The following ATRNL1 variants were observed in gnomAD, a reference collection of about 807,000 sequenced individuals.
The protein encoded by ATRNL1 is attractin like 1, also known as attractin-like protein 1.
A neutral mutation model predicts 182.7 loss-of-function variants in ATRNL1; 95 were observed. The observed-to-expected ratio is 0.52, with a 90% confidence interval of 0.44 to 0.62. The LOEUF (loss-of-function observed/expected upper bound fraction) is 0.62. Among genes scored for constraint, ATRNL1 ranks in the 20% least tolerant of loss-of-function variants. The pLI, the probability that ATRNL1 is intolerant of heterozygous loss-of-function variation, is 0.00. For synonymous variants in ATRNL1, 576 were observed against 568.3 expected, an observed-to-expected ratio of 1.01 and a Z score of -0.19; for missense variants, 1,471 against 1,679.5, an observed-to-expected ratio of 0.88 and a Z score of 2.17.
intron 10 of ATRNL1, among the ~76,000 whole-genome samples, chr10:115,255,891 A>G (rs1306992878): frequency 6.6e-6 from 1 of 152,198 alleles, no homozygotes; most frequent in African/African-American, 2.4e-5. Flanking sequence ...ATCTACTGAG[A>G]TAATCATATG....
chr10:115,887,077 T>G (rs1399651536), intron 28 of ATRNL1, among the ~76,000 whole-genome samples: 1 of 152,192 alleles, frequency 6.6e-6, no homozygotes, highest in Non-Finnish European at 1.5e-5. Context: ...GTGAACATGT[T>G]AAAAATGCAT....
At position 115,150,786 on chromosome 10, in the gene ATRNL1, T is replaced by C. The variant is rs539034967; in HGVS notation, c.830-9254T>C. Among the ~76,000 whole-genome samples, 20 of 152,282 alleles carry C rather than the reference T, an allele frequency of 1.3e-4. 1 individual carries two copies. The highest frequency in any genetic ancestry group is 1.2e-3 in the South Asian group (6 of 4,820). ...ATGTGTACAACTTGCAGGTTTGTTA[T>C]ATATGTATACATGTGCCATGTTGGT... On this transcript the variant is annotated intron_variant, in intron 5 of 28. Transcript: ENST00000355044.
intron 17 of ATRNL1, among the ~76,000 whole-genome samples, chr10:115,307,616 G>A (rs1385315411): frequency 6.6e-6 from 1 of 152,104 alleles, no homozygotes; most frequent in Non-Finnish European, 1.5e-5. Context: ...GAAGGGCATT[G>A]AACATTGCCT....
chr10:115,200,226 GTTTTT>G (rs1172746272), intron 8 of ATRNL1, among the ~76,000 whole-genome samples: 1 of 143,408 alleles, frequency 7.0e-6, no homozygotes, highest in Non-Finnish European at 1.5e-5. Context: ...TACTTGTTTA[GTTTTT>G]TTTTTTTAAT....
chr10:115,604,653 C>T (rs958101731), intron 26 of ATRNL1, among the ~76,000 whole-genome samples: 6 of 152,086 alleles, frequency 3.9e-5, no homozygotes, highest in Non-Finnish European at 5.9e-5. Context: ...TTTAGGATAC[C>T]CTTCCTACAT....
rs1296582280 is a variant in ATRNL1, at chr10:115,584,007, G to A, written c.3795+34471G>A. Among the ~76,000 whole-genome samples, 5 of 152,086 alleles carry A rather than the reference G, an allele frequency of 3.3e-5. 1 individual carries two copies. Among genetic ancestry groups the A allele is most frequent in the East Asian group, 3.9e-4 (2 of 5,176 alleles). On this transcript the variant is annotated intron_variant, in intron 26 of 28. Coordinates refer to ENST00000355044, the MANE Select transcript of ATRNL1 (RefSeq NM_207303.4). ...GGCCTTTGCTGCTTCTATTGAGATA[G>A]TCATGTGGTTTTTGTCTTTGGTTCT... is the stretch of plus-strand genomic sequence containing the variant.
chr10:115,696,043 C>T lies in ATRNL1; in HGVS notation c.3796-31205C>T, dbSNP rs544986698. ...CCTCCTGAGTAGCTGGGACTACAGG[C>T]GCCTGCTACCACACCCGGCTAATTT... On this transcript the variant is annotated intron_variant, in intron 26 of 28. Coordinates refer to ENST00000355044, the MANE Select transcript of ATRNL1 (RefSeq NM_207303.4). 7.2e-5 allele frequency among the ~76,000 whole-genome samples: 11 copies of T among 152,118 alleles called. No homozygotes were observed. The South Asian group carries it at 1.5e-3, about 20-fold the overall frequency.
chr10:115,911,612 C>T (rs1952681508), intron 28 of ATRNL1, among the ~76,000 whole-genome samples: 2 of 152,166 alleles, frequency 1.3e-5, no homozygotes. Context: ...CCGTGCCTGG[C>T]TAAAACCCAT....
At chr10:115,574,031 TAAA>T (rs1854561382) in intron 26 of ATRNL1, among the ~76,000 whole-genome samples, 1 of 152,124 alleles carries the variant, frequency 6.6e-6, no homozygotes, top group Non-Finnish European at 1.5e-5. Context: ...GTAAACCACT[TAAA>T]GCAGAAAATT....
At chr10:115,922,445 G>T (rs190058421) in intron 28 of ATRNL1, among the ~76,000 whole-genome samples, 16 of 151,924 alleles carry the variant, frequency 1.1e-4, no homozygotes, top group East Asian at 7.7e-4. Context: ...TATCTATCTA[G>T]CTAGCTATTT....
chr10:115,832,234 A>G (rs1555093969), intron 27 of ATRNL1, among the ~76,000 whole-genome samples: 1 of 152,188 alleles, frequency 6.6e-6, no homozygotes, highest in African/African-American at 2.4e-5. Flanking sequence ...AAGGTAAAAT[A>G]GGGAGGAATC....
In ATRNL1 at chr10:115,460,414, A is replaced by T. The variant is rs550327154; in HGVS notation, c.3323-1527A>T. On this transcript the variant is annotated intron_variant, in intron 21 of 28. Transcript: ENST00000355044. The stretch of plus-strand genomic sequence containing the variant: ...TTTTGCTTGGTCTTAGGAAAAAATT[A>T]AAAAAAAAAATAAAACTTTGCCTTT... 2.7e-4 allele frequency among the ~76,000 whole-genome samples: 40 copies of T among 146,700 alleles called. No individual in the cohort carries two copies. The South Asian group carries it at 3.6e-3, about 13-fold the overall frequency.
At chr10:115,845,580 G>A (rs1396797889) in intron 27 of ATRNL1, among the ~76,000 whole-genome samples, 2 of 152,010 alleles carry the variant, frequency 1.3e-5, no homozygotes, top group African/African-American at 4.8e-5. Flanking sequence ...CTGGCAAAAA[G>A]ATCAAATTGA....
At chr10:115,536,477 G>C (rs185133369) in intron 25 of ATRNL1, among the ~76,000 whole-genome samples, 5 of 150,328 alleles carry the variant, frequency 3.3e-5, no homozygotes, top group Admixed American at 6.6e-5. Flanking sequence ...GCGCAGTATT[G>C]GGGTGGGCTT....
chr10:115,135,223 T>C (rs1845449492), intron 5 of ATRNL1, among the ~76,000 whole-genome samples: 1 of 152,044 alleles, frequency 6.6e-6, no homozygotes, highest in Non-Finnish European at 1.5e-5. Flanking sequence ...AGGTATTCAA[T>C]TAGGAAAAGA....
In ATRNL1 at chr10:115,096,660, A is replaced by G. The variant is rs1309209342; in HGVS notation, c.293+2617A>G. The G allele has an allele frequency of 3.1e-6, 4 of 1,288,756 alleles. No individual in the cohort carries two copies. The African/African-American group carries it at 6.1e-5, about 20-fold the overall frequency. 79.8% of individuals were successfully genotyped at this position (1,288,756 alleles called of 1,614,324 possible). A position where few individuals can be genotyped will look rare whatever the true frequency, so the allele number is the denominator to read the frequency against. ...TCTACTATAGGGATTTCGCCAGGGA[A>G]TAAAAATGTTCTTCAAATGTTTCTT... On this transcript the variant is annotated intron_variant, in intron 1 of 28. Coordinates refer to ENST00000355044, the MANE Select transcript of ATRNL1 (RefSeq NM_207303.4).
intron 10 of ATRNL1, among the ~76,000 whole-genome samples, chr10:115,255,932 A>G (rs1851106531): frequency 6.6e-6 from 1 of 152,106 alleles, no homozygotes; most frequent in Non-Finnish European, 1.5e-5. Flanking sequence ...TATGTTATGG[A>G]TTATGTTTAT....
intron 5 of ATRNL1, among the ~76,000 whole-genome samples, chr10:115,137,998 A>C (rs1294997797): frequency 3.3e-5 from 5 of 152,202 alleles, no homozygotes; most frequent in African/African-American, 1.2e-4. Flanking sequence ...AGCCATTCCA[A>C]ATGGGAGAAA....
At chr10:115,658,152 G>A (rs534145836) in intron 26 of ATRNL1, among the ~76,000 whole-genome samples, 6 of 135,856 alleles carry the variant, frequency 4.4e-5, no homozygotes, top group African/African-American at 1.7e-4. Flanking sequence ...CTGGAGTGCA[G>A]TGGCGCAATT....
Sources: gnomAD v4.1 joint callset for allele counts (sites outside exome capture counted in the v4.1 genomes callset) on GRCh38, gnomAD v4.1.1 for gene constraint, MANE v1.5 for transcripts, NCBI Gene and HGNC (gene_info 2026-07-23, HGNC 2026-07-21) for gene names.